The following AUTS2 variants were observed in gnomAD, a reference collection of about 807,000 sequenced individuals.
AUTS2 encodes the protein autism susceptibility gene 2 protein.
In AUTS2, 17 loss-of-function variants were observed where a neutral mutation model predicts 112.4. The ratio of observed to expected loss-of-function variants is 0.15; its 90% CI spans 0.10 to 0.23. The LOEUF is 0.23. AUTS2 is among the 10% of genes least tolerant of loss of function. The pLI is 1.00. For synonymous variants in AUTS2, 751 were observed against 702.7 expected, an observed-to-expected ratio of 1.07 and a Z score of -1.09; for missense variants, 1,510 against 1,701.6, an observed-to-expected ratio of 0.89 and a Z score of 1.98.
At chr7:69,867,911 TAGTATA>T (rs959694239) in intron 1 of AUTS2, among the ~76,000 whole-genome samples, 3 of 152,142 alleles carry the variant, frequency 2.0e-5, no homozygotes, top group Non-Finnish European at 4.4e-5. Flanking sequence ...AATTATTTTT[TAGTATA>T]AGTATGTCTC....
chr7:69,776,210 C>G (rs754754946), intron 1 of AUTS2, among the ~76,000 whole-genome samples: 2 of 152,150 alleles, frequency 1.3e-5, no homozygotes, highest in Non-Finnish European at 2.9e-5. Context: ...TATTAGGAAT[C>G]GTCAGCCTGC....
intron 6 of AUTS2, among the ~76,000 whole-genome samples, chr7:70,710,885 G>C (rs1810010849): frequency 6.6e-6 from 1 of 152,208 alleles, no homozygotes; most frequent in Non-Finnish European, 1.5e-5. Context: ...GTTTTGTTTT[G>C]TGCAGTTGGC....
intron 1 of AUTS2, chr7:69,825,654 C>T (rs765643766): frequency 6.6e-6 from 1 of 152,052 alleles, no homozygotes; most frequent in South Asian, 2.1e-4. Flanking sequence ...CACTTCACTT[C>T]TTTTGGATGA....
intron 4 of AUTS2, among the ~76,000 whole-genome samples, chr7:70,269,862 G>T (rs1224016414): frequency 2.6e-5 from 4 of 152,024 alleles, no homozygotes; most frequent in African/African-American, 9.7e-5. Context: ...CTCCTATAAT[G>T]TGTGAAATTG....
chr7:69,836,875 G>C (rs1469348115), intron 1 of AUTS2, among the ~76,000 whole-genome samples: 16 of 152,172 alleles, frequency 1.1e-4, no homozygotes, highest in Non-Finnish European at 1.5e-5. Context: ...GATAGCCATA[G>C]TTTGTACTTC....
intron 2 of AUTS2, among the ~76,000 whole-genome samples, chr7:70,108,508 C>T (rs1041669588): frequency 1.3e-5 from 2 of 152,066 alleles, no homozygotes; most frequent in Admixed American, 6.5e-5. Flanking sequence ...CTTACTTCCT[C>T]TATATCCCTA....
At chr7:70,603,114 G>T (rs1166828446) in intron 5 of AUTS2, among the ~76,000 whole-genome samples, 1 of 151,966 alleles carries the variant, frequency 6.6e-6, no homozygotes. Flanking sequence ...TGTTTGTTTT[G>T]TTTTTGAAGA....
At chr7:70,726,308 A>G (rs1019847817) in intron 6 of AUTS2, among the ~76,000 whole-genome samples, 1 of 151,818 alleles carries the variant, frequency 6.6e-6, no homozygotes, top group Non-Finnish European at 1.5e-5. Context: ...TTGCTGTCAT[A>G]CCATACATAT....
At chr7:70,033,381 T>A (rs1044354130) in intron 2 of AUTS2, among the ~76,000 whole-genome samples, 6 of 152,154 alleles carry the variant, frequency 3.9e-5, no homozygotes, top group African/African-American at 1.4e-4. Flanking sequence ...GTGCTAGTCA[T>A]GATGTGTATA....
chr7:70,407,156 A>G (rs1263737199), intron 4 of AUTS2, among the ~76,000 whole-genome samples: 1 of 152,246 alleles, frequency 6.6e-6, no homozygotes, highest in African/African-American at 2.4e-5. Context: ...CTGAGGAGGT[A>G]ATACAGGATG....
intron 2 of AUTS2, among the ~76,000 whole-genome samples, chr7:70,020,592 C>T (rs1041186614): frequency 3.9e-5 from 6 of 152,124 alleles, no homozygotes; most frequent in African/African-American, 9.7e-5. Flanking sequence ...GGTTCCCTAC[C>T]GTTTCTTCTT....
At chr7:70,565,415 C>T (rs1801667626) in intron 5 of AUTS2, among the ~76,000 whole-genome samples, 2 of 152,140 alleles carry the variant, frequency 1.3e-5, no homozygotes, top group African/African-American at 4.8e-5. Flanking sequence ...AGCAGTGGCT[C>T]AGGCCTGTAA....
chr7:70,516,379 A>G lies in AUTS2; in HGVS notation c.690+80598A>G, dbSNP rs181012254. Among the ~76,000 whole-genome samples the G allele has an allele frequency of 5.9e-5, 9 of 152,322 alleles. No homozygotes were observed. The East Asian group carries it at 1.7e-3, about 29-fold the overall frequency. ...AGCAAAGAGAGGGAAAAATCAGCCC[A>G]AGCCTGAAGCACCCTCTTTTTGCTC... On this transcript the variant is annotated intron_variant, in intron 5 of 18. Transcript: ENST00000342771.
intron 4 of AUTS2, among the ~76,000 whole-genome samples, chr7:70,365,257 A>T (rs1296646722): frequency 1.3e-5 from 2 of 152,164 alleles, no homozygotes; most frequent in Non-Finnish European, 2.9e-5. Context: ...GGATACAAAG[A>T]TTCTCATTTC....
chr7:70,354,176 A>G (rs1016752623), intron 4 of AUTS2, among the ~76,000 whole-genome samples: 1 of 152,242 alleles, frequency 6.6e-6, no homozygotes, highest in Non-Finnish European at 1.5e-5. Flanking sequence ...GAGATCAGAT[A>G]CAAAGTCCTG....
intron 2 of AUTS2, among the ~76,000 whole-genome samples, chr7:70,020,715 A>G (rs141849413): frequency 1.1e-3 from 165 of 151,464 alleles, no homozygotes; most frequent in African/African-American, 3.9e-3. Flanking sequence ...TTTTTGAGGT[A>G]GGGCCTCACT....
At chr7:69,834,586 G>A (rs532356331) in intron 1 of AUTS2, among the ~76,000 whole-genome samples, 1 of 152,220 alleles carries the variant, frequency 6.6e-6, no homozygotes, top group Non-Finnish European at 1.5e-5. Context: ...GCTCTGGTGT[G>A]TTACATTCTG....
chr7:70,160,281 G>A (rs1044911140), intron 4 of AUTS2, among the ~76,000 whole-genome samples: 2 of 152,130 alleles, frequency 1.3e-5, no homozygotes, highest in African/African-American at 2.4e-5. Flanking sequence ...GAGAAAGGTA[G>A]CTTACCATAT....
chr7:70,722,083 C>T (rs1337802998), intron 6 of AUTS2, among the ~76,000 whole-genome samples: 3 of 151,866 alleles, frequency 2.0e-5, no homozygotes, highest in Admixed American at 2.0e-4. Context: ...GAAGACCACA[C>T]CTTTTTGGTT....
Sources: gnomAD v4.1 joint callset for allele counts (sites outside exome capture counted in the v4.1 genomes callset) on GRCh38, gnomAD v4.1.1 for gene constraint, MANE v1.5 for transcripts, NCBI Gene and HGNC (gene_info 2026-07-23, HGNC 2026-07-21) for gene names.